Variants in USP10 observed in about 807,000 individuals in gnomAD.
USP10 encodes the protein ubiquitin carboxyl-terminal hydrolase 10.
In USP10, 22 loss-of-function variants were observed where a neutral mutation model predicts 84.5. That is an observed-to-expected ratio of 0.26 (90% CI 0.19 to 0.37). The LOEUF is 0.37. USP10 is among the 10% of genes least tolerant of loss of function. The pLI, the probability that USP10 is intolerant of heterozygous loss-of-function variation, is 1.00. For synonymous variants in USP10, 454 were observed against 387.6 expected (o/e 1.17, Z -2.01); for missense variants, 1,019 against 998.9 (o/e 1.02, Z -0.27).
chr16:84,701,651 C>T (rs1187321862), intron 1 of USP10, among the ~76,000 whole-genome samples: 2 of 152,314 alleles, frequency 1.3e-5, no homozygotes, highest in African/African-American at 4.8e-5. Context: ...ATTTAATAAG[C>T]ATCAATCACA....
At chr16:84,767,553 G>A (rs1234460268) in intron 10 of USP10, among the ~76,000 whole-genome samples, 1 of 152,068 alleles carries the variant, frequency 6.6e-6, no homozygotes, top group Non-Finnish European at 1.5e-5. Flanking sequence ...ATTAGAACAG[G>A]CTATGATACT....
At chr16:84,718,227 A>C (rs922598899) in intron 1 of USP10, among the ~76,000 whole-genome samples, 1 of 152,220 alleles carries the variant, frequency 6.6e-6, no homozygotes, top group Non-Finnish European at 1.5e-5. Context: ...TCTTTTGTTC[A>C]GAAGACATTT....
chr16:84,748,181 AGATT>A (rs1459080956), intron 4 of USP10, among the ~76,000 whole-genome samples: 3 of 146,744 alleles, frequency 2.0e-5, no homozygotes, highest in Non-Finnish European at 4.5e-5. Flanking sequence ...AAAAAAAGAT[AGATT>A]GTGTAAGCCT....
Position 84,764,134 on chromosome 16 carries a change from A to G in USP10, c.1703A>G (p.Glu568Gly), listed in dbSNP as rs1165424569. ...GPKNHSVNEE[E>G]QEEQGEGSED... Reference sequence around the variant, plus strand: ...AAAAACCACTCGGTCAATGAAGAAGAGCAGGAAGAACAAGGTGAAGGAAGC... The same window carrying G: ...AAAAACCACTCGGTCAATGAAGAAGGGCAGGAAGAACAAGGTGAAGGAAGC... The change falls in exon 10 of 14, where the codon GAG becomes GGG. Residue 568 changes from glutamate to glycine, a missense_variant. Glu to Gly is a moderately conservative substitution (Grantham distance 98). This residue lies in a region of USP10 where 787 missense variants were observed against 708.8 expected (regional missense o/e 1.11). Coordinates refer to ENST00000219473, the MANE Select transcript of USP10 (RefSeq NM_005153.3). The G allele has an allele frequency of 1.2e-6, 2 of 1,613,760 alleles. No homozygotes were observed. The highest frequency in any genetic ancestry group is 1.7e-6 in the Non-Finnish European group (2 of 1,179,824).
intron 2 of USP10, among the ~76,000 whole-genome samples, chr16:84,737,266 A>G (rs1910058794): frequency 6.6e-6 from 1 of 152,234 alleles, no homozygotes; most frequent in Non-Finnish European, 1.5e-5. Flanking sequence ...CTGTGCGTTT[A>G]GCATAACTAT....
chr16:84,700,686 A>G (rs1360393592), intron 1 of USP10, among the ~76,000 whole-genome samples: 4 of 152,154 alleles, frequency 2.6e-5, no homozygotes, highest in Non-Finnish European at 5.9e-5. Flanking sequence ...GTTGCAAAGA[A>G]AACTCGAAAT....
intron 4 of USP10, among the ~76,000 whole-genome samples, chr16:84,756,095 G>GC (rs1293968251): frequency 8.4e-4 from 74 of 88,024 alleles, no homozygotes; most frequent in African/African-American, 3.0e-3. Flanking sequence ...CCCACCCCCC[G>GC]CCCCCCATCT....
chr16:84,734,462 A>G (rs753625125), intron 2 of USP10, among the ~76,000 whole-genome samples: 2 of 152,162 alleles, frequency 1.3e-5, no homozygotes, highest in African/African-American at 4.8e-5. Context: ...TCCCTTGTCC[A>G]TATTTTTAAA....
Position 84,740,226 on chromosome 16 carries a change from A to G in USP10, c.91-83A>G. 6 of 1,277,114 alleles carry G rather than the reference A, an allele frequency of 4.7e-6. No homozygotes were observed. The South Asian group carries it at 5.2e-5, about 11-fold the overall frequency. 79.1% of individuals were successfully genotyped at this position (1,277,114 alleles called of 1,614,324 possible). A position where few individuals can be genotyped will look rare whatever the true frequency, so the allele number is the denominator to read the frequency against. ...AAAGTTGTATGGATTAAGAGTTTTA[A>G]TGAATTGTTGCCTTAATTAAATGGT... On this transcript the variant is annotated intron_variant, in intron 2 of 13. Transcript: ENST00000219473.
intron 1 of USP10, chr16:84,704,774 T>C: frequency 6.5e-7 from 1 of 1,535,570 alleles, no homozygotes; most frequent in East Asian, 2.4e-5. Context: ...ATCAGATGAC[T>C]TGAGAACCCA....
intron 1 of USP10, among the ~76,000 whole-genome samples, chr16:84,727,477 A>G (rs909376523): frequency 6.6e-6 from 1 of 152,286 alleles, no homozygotes; most frequent in East Asian, 1.9e-4. Context: ...CAAACAAACA[A>G]ACAAACAAAC....
chr16:84,754,715 A>T (rs574785043), intron 4 of USP10, among the ~76,000 whole-genome samples: 2 of 152,354 alleles, frequency 1.3e-5, no homozygotes, highest in South Asian at 2.1e-4. Context: ...TGACTAGTTC[A>T]TGCTGTCTCA....
At chr16:84,706,701 C>A (rs967815415) in intron 1 of USP10, among the ~76,000 whole-genome samples, 1 of 151,910 alleles carries the variant, frequency 6.6e-6, no homozygotes, top group Non-Finnish European at 1.5e-5. Context: ...CCACCACGCC[C>A]AGCTAATTTT....
chr16:84,749,585 A>AT (rs1489836368), intron 4 of USP10, among the ~76,000 whole-genome samples: 1 of 151,990 alleles, frequency 6.6e-6, no homozygotes, highest in Non-Finnish European at 1.5e-5. Context: ...AAAAAAAAAA[A>AT]AAATTATACA....
chr16:84,776,052 A>G (rs950763672), intron 13 of USP10, among the ~76,000 whole-genome samples: 10 of 152,058 alleles, frequency 6.6e-5, no homozygotes, highest in Admixed American at 6.5e-5. Flanking sequence ...ACTGCCATTT[A>G]TTGACCTTCA....
In USP10 at chr16:84,733,021, C is replaced by G. The variant is rs188932300; in HGVS notation, c.22-414C>G. On this transcript the variant is annotated intron_variant, in intron 1 of 13. Transcript: ENST00000219473. Reference sequence around the variant, plus strand: ...TCCTTTTTTGGATTTCCTTGTCTTCCCATTTGAACCACGTTTTCTGCTTTT... The same window carrying G: ...TCCTTTTTTGGATTTCCTTGTCTTCGCATTTGAACCACGTTTTCTGCTTTT... The G allele has an allele frequency of 5.6e-3, 2,435 of 436,366 alleles. 11 individuals are homozygous for G. The highest frequency in any genetic ancestry group is 8.5e-3 in the Non-Finnish European group (1,875 of 221,772). The allele number at this position is 436,366 out of a possible 1,614,324, so 27.0% of individuals were successfully genotyped here. A position where few individuals can be genotyped will look rare whatever the true frequency, so the allele number is the denominator to read the frequency against.
Position 84,745,578 on chromosome 16 carries a change from C to G in USP10, c.1097C>G (p.Pro366Arg), listed in dbSNP as rs1597354250. ...GCCTATGTGGAAACTAAGTATTCCCCTCCCGCCATATCTCCCCTGGTTTCT... is the reference window on the plus strand; with the variant it reads ...GCCTATGTGGAAACTAAGTATTCCCGTCCCGCCATATCTCCCCTGGTTTCT... ...PVAYVETKYS[P>R]PAISPLVSEK... Residue 366 changes from proline to arginine, a missense_variant, in exon 4 of 14, where the codon CCT (proline) becomes CGT (arginine). Transcript: ENST00000219473. 1 of 1,610,636 alleles carries G rather than the reference C, an allele frequency of 6.2e-7. No individual in the cohort carries two copies. The highest frequency in any genetic ancestry group is 1.3e-5 in the African/African-American group (1 of 74,966).
At chr16:84,741,806 C>A (rs371602728) in intron 3 of USP10, among the ~76,000 whole-genome samples, 16 of 152,326 alleles carry the variant, frequency 1.1e-4, no homozygotes, top group East Asian at 9.7e-4. Flanking sequence ...GCCTGTTCGA[C>A]TGTACAGAGC....
At chr16:84,700,274 C>T (rs1209946797) in intron 1 of USP10, among the ~76,000 whole-genome samples, 163 bp downstream of exon 1, 1 of 151,400 alleles carries the variant, frequency 6.6e-6, no homozygotes, top group East Asian at 1.9e-4. Flanking sequence ...CCGCCGCCTC[C>T]GCGCCCGCCG....
Sources: allele counts gnomAD v4.1 joint callset (sites outside exome capture counted in the v4.1 genomes callset), GRCh38; gene constraint gnomAD v4.1.1; regional missense constraint gnomAD v4.1.1; transcripts MANE v1.5; gene names NCBI Gene and HGNC (gene_info 2026-07-23, HGNC 2026-07-21).